The following FAM53A variants were observed in gnomAD, a reference collection of about 807,000 sequenced individuals.
The protein encoded by FAM53A is protein FAM53A.
A neutral mutation model predicts 26.6 loss-of-function variants in FAM53A; 28 were observed. That is an observed-to-expected ratio of 1.05 (90% confidence interval 0.78 to 1.45). FAM53A has a LOEUF of 1.45. Among genes scored for constraint, FAM53A ranks in the 40% most tolerant of loss-of-function variants. The pLI is 0.00. For synonymous variants in FAM53A, 290 were observed against 253.1 expected, an observed-to-expected ratio of 1.15 and a Z score of -1.38; for missense variants, 650 against 575.8, an observed-to-expected ratio of 1.13 and a Z score of -1.32.
At chr4:1,598,569 G>C in the FAM53A span, among the ~76,000 whole-genome samples, 9 of 152,340 alleles carry the variant, frequency 5.9e-5, no homozygotes, top group Non-Finnish European at 2.9e-5. Flanking sequence ...ATTTTTAAGC[G>C]TGAAGAATTG....
intron 4 of FAM53A, among the ~76,000 whole-genome samples, chr4:1,653,535 C>T (rs1713063536): frequency 6.6e-6 from 1 of 152,246 alleles, no homozygotes; most frequent in African/African-American, 2.4e-5. Context: ...ACCCCAAGCC[C>T]TGGCAAGCAG....
intron 1 of FAM53A, among the ~76,000 whole-genome samples, chr4:1,621,860 C>T (rs1025054291): frequency 3.9e-5 from 6 of 152,204 alleles, no homozygotes; most frequent in Non-Finnish European, 8.8e-5. Flanking sequence ...GGGGTGAATG[C>T]GTCCCCCAAG....
the FAM53A span, among the ~76,000 whole-genome samples, chr4:1,609,191 G>A: frequency 1.3e-3 from 199 of 152,162 alleles, no homozygotes; most frequent in African/African-American, 4.6e-3. Context: ...TGGCAGGGCT[G>A]TCTCTGCTGC....
chr4:1,577,412 G>A, the FAM53A span, among the ~76,000 whole-genome samples: 9 of 152,104 alleles, frequency 5.9e-5, no homozygotes, highest in Non-Finnish European at 1.3e-4. Context: ...AGCAGCTCCC[G>A]TGGCCACAGG....
the FAM53A span, among the ~76,000 whole-genome samples, chr4:1,585,096 C>T: frequency 1.3e-5 from 2 of 152,074 alleles, no homozygotes; most frequent in Non-Finnish European, 2.9e-5. Flanking sequence ...ACCTCATATG[C>T]TTATCATTTT....
chr4:1,593,354 C>T, the FAM53A span, among the ~76,000 whole-genome samples: 1 of 152,018 alleles, frequency 6.6e-6, no homozygotes, highest in South Asian at 2.1e-4. Flanking sequence ...CCCGGAGCCA[C>T]GCCAGGGCCC....
chr4:1,590,601 T>C, the FAM53A span, among the ~76,000 whole-genome samples: 2 of 151,926 alleles, frequency 1.3e-5, no homozygotes. Context: ...TTTCAAGCCC[T>C]GTTGGTGTGT....
intron 4 of FAM53A, among the ~76,000 whole-genome samples, chr4:1,652,174 C>G (rs2108880608): frequency 7.3e-6 from 1 of 137,044 alleles, no homozygotes; most frequent in East Asian, 2.3e-4. Context: ...ACCCCACACG[C>G]CACACACACC....
the FAM53A span, among the ~76,000 whole-genome samples, chr4:1,593,264 C>T: frequency 3.3e-5 from 5 of 152,138 alleles, no homozygotes; most frequent in Non-Finnish European, 7.4e-5. Flanking sequence ...AGCAGAGGCA[C>T]CCACGTCCCC....
chr4:1,667,995 C>T lies in FAM53A; in HGVS notation c.75+672G>A, dbSNP rs183445729. Among the ~76,000 whole-genome samples the T allele has an allele frequency of 2.8e-3, 433 of 152,256 alleles. 3 individuals carry two copies. Among genetic ancestry groups the T allele is most frequent in the African/African-American group, 0.01 (421 of 41,554 alleles). On this transcript the variant is annotated intron_variant, in intron 2 of 4. Transcript: ENST00000308132. Reference sequence around the variant, plus strand: ...CCAAGACAGAGGCTCCCTTGGGAGGCGCGGCTAGGAGGGGAGGGACAGGGA... The same window carrying T: ...CCAAGACAGAGGCTCCCTTGGGAGGTGCGGCTAGGAGGGGAGGGACAGGGA...
chr4:1,661,917 G>T (rs935031258), intron 2 of FAM53A, among the ~76,000 whole-genome samples: 4 of 152,144 alleles, frequency 2.6e-5, no homozygotes, highest in African/African-American at 4.8e-5. Flanking sequence ...CCGCCGGACG[G>T]ATCTCCAGGG....
At chr4:1,591,005 C>T in the FAM53A span, among the ~76,000 whole-genome samples, 36 of 63,836 alleles carry the variant, frequency 5.6e-4, no homozygotes, top group African/African-American at 1.5e-3. Flanking sequence ...TATATATAAT[C>T]ATTCTATGTT....
chr4:1,607,262 G>T, the FAM53A span, among the ~76,000 whole-genome samples: 2 of 151,124 alleles, frequency 1.3e-5, no homozygotes, highest in Non-Finnish European at 2.9e-5. Flanking sequence ...CAAGTGATCC[G>T]CCTGCCTCGG....
intron 1 of FAM53A, among the ~76,000 whole-genome samples, chr4:1,679,642 C>A (rs1165921342): frequency 6.8e-6 from 1 of 146,056 alleles, no homozygotes; most frequent in Non-Finnish European, 1.5e-5. Flanking sequence ...GCCAAGATAG[C>A]ACCACTGCAC....
chr4:1,586,560 G>A, the FAM53A span, among the ~76,000 whole-genome samples: 3 of 151,846 alleles, frequency 2.0e-5, no homozygotes, highest in East Asian at 1.9e-4. Flanking sequence ...CGGATCACGA[G>A]GTCAGAAGAT....
intron 4 of FAM53A, among the ~76,000 whole-genome samples, chr4:1,646,037 G>A (rs1712210301): frequency 6.6e-6 from 1 of 152,052 alleles, no homozygotes; most frequent in African/African-American, 2.4e-5. Flanking sequence ...CTTGGAAGCA[G>A]AGGGCAGGCT....
At chr4:1,582,197 T>G in the FAM53A span, among the ~76,000 whole-genome samples, 2 of 152,220 alleles carry the variant, frequency 1.3e-5, no homozygotes, top group African/African-American at 4.8e-5. Flanking sequence ...CGTTTCAGCG[T>G]TTACTACTGA....
the FAM53A span, among the ~76,000 whole-genome samples, chr4:1,596,942 G>T: frequency 2.2e-4 from 34 of 152,184 alleles, no homozygotes; most frequent in Non-Finnish European, 4.0e-4. Flanking sequence ...GGTGGGAAAG[G>T]CCCCCGGGGG....
At chr4:1,604,547 G>A in the FAM53A span, among the ~76,000 whole-genome samples, 3 of 151,954 alleles carry the variant, frequency 2.0e-5, no homozygotes, top group African/African-American at 7.3e-5. Flanking sequence ...ACGGCGCCCT[G>A]GCCTCACAAC....
Sources: gnomAD v4.1 joint callset for allele counts (sites outside exome capture counted in the v4.1 genomes callset) on GRCh38, gnomAD v4.1.1 for gene constraint, MANE v1.5 for transcripts, NCBI Gene and HGNC (gene_info 2026-07-23, HGNC 2026-07-21) for gene names.